ARID4B: variants seen among roughly 807,000 people sequenced by gnomAD.
The protein encoded by ARID4B is AT-rich interaction domain 4B.
A neutral mutation model predicts 147.5 loss-of-function variants in ARID4B; 26 were observed. The observed-to-expected ratio is 0.18, with a 90% CI of 0.13 to 0.24. The LOEUF is 0.24. ARID4B is among the 10% of genes least tolerant of loss of function. The pLI is 1.00. For missense variants in ARID4B, 1,179 were observed against 1,511.5 expected (o/e 0.78, Z 3.65); for synonymous variants, 512 against 507.9 (o/e 1.01, Z -0.11).
chr1:235,185,001 G>C (rs1664577930), intron 19 of ARID4B, among the ~76,000 whole-genome samples: 1 of 152,070 alleles, frequency 6.6e-6, no homozygotes, highest in African/African-American at 2.4e-5. Flanking sequence ...ATTTTTAGTA[G>C]AGATGAAGTT....
chr1:235,224,668 A>T (rs754208222), intron 12 of ARID4B, 35 bp downstream of exon 12: 3 of 1,418,702 alleles, frequency 2.1e-6, no homozygotes, highest in Non-Finnish European at 3.0e-6. Context: ...TCTGTCCAAA[A>T]CTTACCACGT....
intron 4 of ARID4B, 68 bp downstream of exon 4, chr1:235,257,092 A>C (rs1469065277): frequency 4.6e-6 from 5 of 1,075,926 alleles, no homozygotes; most frequent in Non-Finnish European, 5.7e-6. Flanking sequence ...AGAGCCAATG[A>C]ATTAATACCA....
intron 19 of ARID4B, among the ~76,000 whole-genome samples, chr1:235,188,280 A>G (rs550818994): frequency 3.3e-5 from 5 of 152,350 alleles, no homozygotes; most frequent in African/African-American, 1.2e-4. Context: ...CAGATAAATG[A>G]ATGACGGGCA....
intron 3 of ARID4B, 43 bp downstream of exon 3, chr1:235,260,599 C>A: frequency 7.0e-7 from 1 of 1,419,424 alleles, no homozygotes; most frequent in Non-Finnish European, 9.6e-7. Flanking sequence ...GTTTACATAT[C>A]AAATGCTGAA....
intron 2 of ARID4B, among the ~76,000 whole-genome samples, chr1:235,273,445 C>T (rs1671119879): frequency 6.6e-6 from 1 of 151,988 alleles, no homozygotes; most frequent in South Asian, 2.1e-4. Flanking sequence ...ATAAAGTTAC[C>T]ATATTTCATC....
At chr1:235,173,992 C>T (rs907352570) in intron 22 of ARID4B, among the ~76,000 whole-genome samples, 1 of 150,756 alleles carries the variant, frequency 6.6e-6, no homozygotes, top group Non-Finnish European at 1.5e-5. Context: ...TTCCTCACCC[C>T]TAACACCAGA....
intron 2 of ARID4B, among the ~76,000 whole-genome samples, chr1:235,300,429 A>G (rs921038836): frequency 3.9e-5 from 6 of 152,034 alleles, no homozygotes; most frequent in East Asian, 1.9e-4. Flanking sequence ...AAAAAAAAAA[A>G]AAAGAAAAAC....
chr1:235,253,428 C>T (rs1164059902), intron 5 of ARID4B, among the ~76,000 whole-genome samples: 1 of 152,076 alleles, frequency 6.6e-6, no homozygotes, highest in Admixed American at 6.5e-5. Context: ...CCAGGCATTG[C>T]CAAATGTTCC....
intron 17 of ARID4B, among the ~76,000 whole-genome samples, chr1:235,201,525 T>A (rs1171981333): frequency 1.3e-5 from 2 of 152,180 alleles, no homozygotes; most frequent in African/African-American, 4.8e-5. Context: ...GGTGTCACTA[T>A]GTTTCTCAGG....
At chr1:235,321,823 A>C (rs1674858372) in intron 2 of ARID4B, among the ~76,000 whole-genome samples, 1 of 151,816 alleles carries the variant, frequency 6.6e-6, no homozygotes, top group Non-Finnish European at 1.5e-5. Flanking sequence ...AAAAAGGCTC[A>C]GATCTATCCT....
At chr1:235,228,601 G>C (rs1180096092) in intron 11 of ARID4B, 1 of 150,770 alleles carries the variant, frequency 6.6e-6, no homozygotes, top group Non-Finnish European at 1.5e-5. Context: ...ATGGTCGTGA[G>C]TCACCGTGCC....
chr1:235,299,030 G>A (rs1672944379), intron 2 of ARID4B, among the ~76,000 whole-genome samples: 1 of 152,098 alleles, frequency 6.6e-6, no homozygotes, highest in African/African-American at 2.4e-5. Context: ...GAGGCAAGAG[G>A]ATGGCTTGAA....
chr1:235,238,937 C>T (rs889623506), intron 8 of ARID4B, among the ~76,000 whole-genome samples: 6 of 150,014 alleles, frequency 4.0e-5, no homozygotes, highest in Non-Finnish European at 8.9e-5. Flanking sequence ...TAGGACAATT[C>T]AGACATATCA....
chr1:235,202,849 C>T (rs775113912), intron 17 of ARID4B, among the ~76,000 whole-genome samples: 5 of 151,856 alleles, frequency 3.3e-5, no homozygotes, highest in South Asian at 2.1e-4. Context: ...CACACCTGGC[C>T]GTAGAATGAA....
chr1:235,257,208 A>G lies in ARID4B; in HGVS notation c.135T>C (p.Asp45=). 1.2e-6 allele frequency: 2 copies of G among 1,612,804 alleles called. No homozygotes were observed. The highest frequency in any genetic ancestry group is 1.7e-6 in the Non-Finnish European group (2 of 1,178,900). The part of the protein sequence containing the change: ...LVKVKVTFRH[D]SSTVEVQDDH... ...CATCCTGAACTTCCACTGTTGAAGA[A>G]TCATGTCTAAATGTCACCTAGAGAT... The change falls in exon 4 of 24, where the codon GAT becomes GAC. Residue 45 remains aspartate (D), a synonymous_variant. Transcript: ENST00000264183.
intron 17 of ARID4B, 122 bp from the exon 18 acceptor site, chr1:235,196,237 C>T: frequency 2.1e-6 from 1 of 476,560 alleles, no homozygotes; most frequent in Non-Finnish European, 3.6e-6. Flanking sequence ...CCTTGGAAAT[C>T]ATCTCAGCTT....
chr1:235,182,872 A>C, intron 19 of ARID4B, 79 bp from the exon 20 acceptor site: 2 of 1,415,446 alleles, frequency 1.4e-6, no homozygotes, highest in South Asian at 2.9e-5. Context: ...GACTGTATAT[A>C]TTAGGTCCTG....
chr1:235,187,419 A>G (rs984259072), intron 19 of ARID4B, among the ~76,000 whole-genome samples: 1 of 152,202 alleles, frequency 6.6e-6, no homozygotes, highest in Non-Finnish European at 1.5e-5. Flanking sequence ...GTTCTCTGAG[A>G]TTAACAAGAG....
At chr1:235,292,297 C>T (rs1188800486) in intron 2 of ARID4B, among the ~76,000 whole-genome samples, 1 of 152,144 alleles carries the variant, frequency 6.6e-6, no homozygotes, top group African/African-American at 2.4e-5. Flanking sequence ...TACTGATTTA[C>T]AAATTAATAA....
Sources: gnomAD v4.1 joint callset for allele counts (sites outside exome capture counted in the v4.1 genomes callset) on GRCh38, gnomAD v4.1.1 for gene constraint, MANE v1.5 for transcripts, NCBI Gene and HGNC (gene_info 2026-07-23, HGNC 2026-07-21) for gene names.